S100A16: variants seen among roughly 807,000 people sequenced by gnomAD.
S100A16 encodes the protein protein S100-A16.
A neutral mutation model predicts 9.0 loss-of-function variants in S100A16; 8 were observed. That is an observed-to-expected ratio of 0.89 (90% CI 0.52 to 1.60). The LOEUF (loss-of-function observed/expected upper bound fraction) is 1.60. Among genes scored for constraint, S100A16 ranks in the 40% most tolerant of loss-of-function variants. S100A16 has a pLI of 0.00. For synonymous variants in S100A16, 51 were observed against 51.4 expected (o/e 0.99, Z 0.04); for missense variants, 138 against 132.4 (o/e 1.04, Z -0.21).
intron 1 of S100A16, among the ~76,000 whole-genome samples, chr1:153,609,948 C>T (rs1033570950): frequency 6.6e-6 from 1 of 152,206 alleles, no homozygotes; most frequent in Non-Finnish European, 1.5e-5. Context: ...TCCGCCTGCC[C>T]AAACCCTCTG....
chr1:153,607,352 G>A lies in S100A16; in HGVS notation c.*182C>T, dbSNP rs530333971. 2 of 713,928 alleles carry A rather than the reference G, an allele frequency of 2.8e-6. 1 individual carries two copies. Among genetic ancestry groups the A allele is most frequent in the South Asian group, 3.8e-5 (2 of 52,070 alleles). The allele number at this position is 713,928 out of a possible 1,614,324, so 44.2% of individuals were successfully genotyped here. Reference sequence around the variant, plus strand: ...TCCAGGAGCTGAGACCCCCCAGGGAGGGAGGTACCTCTAGACTGAGACACT... The same window carrying A: ...TCCAGGAGCTGAGACCCCCCAGGGAAGGAGGTACCTCTAGACTGAGACACT... On this transcript the variant is annotated 3_prime_UTR_variant, in exon 3 of 3. Coordinates refer to ENST00000368706, the MANE Select transcript of S100A16 (RefSeq NM_080388.3).
Position 153,608,010 on chromosome 1 carries a change from G to A in S100A16, c.142C>T (p.His48Tyr), listed in dbSNP as rs778858617. 6.2e-7 allele frequency: 1 copy of A among 1,613,914 alleles called. No homozygotes were observed. Among genetic ancestry groups the A allele is most frequent in the South Asian group, 1.1e-5 (1 of 91,084 alleles). The part of the protein sequence containing the change: ...FREMLQKELN[H>Y]MLSDTGNRKA... ...GTGAGAGGCCTTACCGACAGCATGT[G>A]GTTCAGCTCTTTCTGGAGCATCTCG... The change falls in exon 2 of 3, where the codon CAC becomes TAC. Residue 48 changes from histidine (H) to tyrosine (Y), a missense_variant. His to Tyr is a moderately conservative substitution (Grantham distance 83). Coordinates refer to ENST00000368706, the MANE Select transcript of S100A16 (RefSeq NM_080388.3).
chr1:153,607,890 G>T lies in S100A16; in HGVS notation c.153+109C>A. 4.8e-6 allele frequency: 6 copies of T among 1,261,782 alleles called. No homozygotes were observed. In the South Asian group the frequency reaches 8.1e-5, roughly 17 times the overall value. 78.2% of individuals were successfully genotyped at this position (1,261,782 alleles called of 1,614,324 possible). On this transcript the variant is annotated intron_variant, in intron 2 of 2. Transcript: ENST00000368706. Reference sequence around the variant, plus strand: ...TGTAGAAGACCCTGGAGTTAGCGGGGACACTGGAAGGATAGAGGCCTCAGC... The same window carrying T: ...TGTAGAAGACCCTGGAGTTAGCGGGTACACTGGAAGGATAGAGGCCTCAGC...
chr1:153,608,360 C>T (rs867572607), intron 1 of S100A16, 183 bp from the exon 2 acceptor site: 20 of 585,470 alleles, frequency 3.4e-5, no homozygotes, highest in Middle Eastern at 4.5e-4. Context: ...GAGAACTATG[C>T]GGCTCCTCTA....
chr1:153,609,711 G>A (rs926627447), intron 1 of S100A16, among the ~76,000 whole-genome samples: 3 of 152,188 alleles, frequency 2.0e-5, no homozygotes, highest in African/African-American at 7.2e-5. Context: ...CTGGTCCAGT[G>A]CCTTGCTCAA....
intron 1 of S100A16, among the ~76,000 whole-genome samples, chr1:153,611,954 G>A (rs1199130899): frequency 1.2e-5 from 1 of 84,132 alleles, no homozygotes; most frequent in Non-Finnish European, 3.1e-5. Context: ...CACACACACC[G>A]AGCAAGGACC....
At chr1:153,609,655 C>T (rs950089543) in intron 1 of S100A16, among the ~76,000 whole-genome samples, 1 of 152,188 alleles carries the variant, frequency 6.6e-6, no homozygotes, top group Non-Finnish European at 1.5e-5. Context: ...CCTGGATATA[C>T]ACCACCCCCT....
intron 1 of S100A16, chr1:153,609,172 C>T: frequency 1.0e-6 from 1 of 985,572 alleles, no homozygotes; most frequent in South Asian, 4.7e-5. Context: ...CTCCAGTCAC[C>T]CTCACCCGGC....
chr1:153,610,836 C>T (rs1046168246), intron 1 of S100A16, among the ~76,000 whole-genome samples: 35 of 151,512 alleles, frequency 2.3e-4, no homozygotes, highest in African/African-American at 7.3e-4. Context: ...CTGCTCCTCC[C>T]GCCTGCCCCA....
At chr1:153,609,135 C>G in intron 1 of S100A16, 1 of 985,778 alleles carries the variant, frequency 1.0e-6, no homozygotes, top group Non-Finnish European at 1.2e-6. Context: ...ATCAGACTCC[C>G]TTCCCACCCC....
At chr1:153,611,697 C>A (rs1666837752) in intron 1 of S100A16, among the ~76,000 whole-genome samples, 1 of 152,136 alleles carries the variant, frequency 6.6e-6, no homozygotes, top group Admixed American at 6.6e-5. Context: ...AAGGTGCCAT[C>A]CGAACTGGGC....
intron 1 of S100A16, among the ~76,000 whole-genome samples, chr1:153,612,510 A>C (rs9700928): frequency 0.42 from 63,805 of 151,828 alleles, 15,149 homozygotes; most frequent in East Asian, 0.68. Flanking sequence ...CTCCCTGGAA[A>C]CTGCCTGGTT....
intron 1 of S100A16, among the ~76,000 whole-genome samples, chr1:153,608,590 G>A (rs1432473120): frequency 3.3e-5 from 5 of 152,018 alleles, no homozygotes; most frequent in Admixed American, 2.6e-4. Flanking sequence ...GCTGGGATGA[G>A]CCATGGAGGT....
intron 1 of S100A16, among the ~76,000 whole-genome samples, chr1:153,610,945 C>T (rs1666821051): frequency 6.6e-6 from 1 of 152,216 alleles, no homozygotes; most frequent in South Asian, 2.1e-4. Context: ...GGAGGTCGTT[C>T]CTGCATTGGC....
intron 1 of S100A16, chr1:153,608,756 A>G (rs1022459588): frequency 4.0e-6 from 1 of 247,668 alleles, no homozygotes; most frequent in African/African-American, 2.3e-5. Context: ...CCTTATGGGA[A>G]AGGACAAGGT....
At chr1:153,610,620 C>T (rs1393816302) in intron 1 of S100A16, among the ~76,000 whole-genome samples, 2 of 152,224 alleles carry the variant, frequency 1.3e-5, no homozygotes, top group Non-Finnish European at 2.9e-5. Flanking sequence ...GCTTCAGCTC[C>T]CAGCCCCTCC....
At position 153,607,149 on chromosome 1, in the gene S100A16, G is replaced by A; in HGVS notation, c.*385C>T. Reference sequence around the variant, plus strand: ...GTTGCTGCTACCACTGCCACCAAGAGCAGGGAGACCTCAAGCACCAAGCTG... The same window carrying A: ...GTTGCTGCTACCACTGCCACCAAGAACAGGGAGACCTCAAGCACCAAGCTG... On this transcript the variant is annotated 3_prime_UTR_variant, in exon 3 of 3. Transcript: ENST00000368706. 2.2e-6 allele frequency: 1 copy of A among 452,054 alleles called. No homozygotes were observed. Among genetic ancestry groups the A allele is most frequent in the Non-Finnish European group, 4.4e-6 (1 of 227,162 alleles). 28.0% of individuals were successfully genotyped at this position (452,054 alleles called of 1,614,324 possible). A position where few individuals can be genotyped will look rare whatever the true frequency, so the allele number is the denominator to read the frequency against.
chr1:153,611,877 T>A (rs1399995100), intron 1 of S100A16, among the ~76,000 whole-genome samples: 1 of 110,484 alleles, frequency 9.1e-6, no homozygotes, highest in Non-Finnish European at 2.0e-5. Context: ...CCCCTTACCA[T>A]CCTCACAGGA....
At chr1:153,608,230 C>T in intron 1 of S100A16, 53 bp from the exon 2 acceptor site, 1 of 1,512,000 alleles carries the variant, frequency 6.6e-7, no homozygotes, top group South Asian at 1.2e-5. Flanking sequence ...GCCATACCTC[C>T]TCCTCCTCCA....
Sources: gnomAD v4.1 joint callset for allele counts (sites outside exome capture counted in the v4.1 genomes callset) on GRCh38, gnomAD v4.1.1 for gene constraint, MANE v1.5 for transcripts, NCBI Gene and HGNC (gene_info 2026-07-23, HGNC 2026-07-21) for gene names.